Variants in TMEM232 observed in about 807,000 individuals in gnomAD.
The protein encoded by TMEM232 is transmembrane protein 232.
A neutral mutation model predicts 78.8 loss-of-function variants in TMEM232; 80 were observed. That is an observed-to-expected ratio of 1.01 (90% confidence interval 0.85 to 1.22). TMEM232 has a LOEUF of 1.22. Among genes scored for constraint, TMEM232 ranks in the 50% most tolerant of loss-of-function variants. The pLI, the probability that TMEM232 is intolerant of heterozygous loss-of-function variation, is 0.00. For synonymous variants in TMEM232, 297 were observed against 254.3 expected, an observed-to-expected ratio of 1.17 and a Z score of -1.60; for missense variants, 881 against 742.2, an observed-to-expected ratio of 1.19 and a Z score of -2.17.
rs147032193 is a variant in TMEM232 at position 110,679,165 on chromosome 5, T to C, written c.-12-11801A>G. The stretch of plus-strand genomic sequence containing the variant: ...CACCAGCATCAAATGAGAGCACCTG[T>C]TGTTCCATGTCCTTGCCCGGACGTG... On this transcript the variant is annotated intron_variant, in intron 1 of 13. Transcript: ENST00000455884. Among the ~76,000 whole-genome samples the C allele has an allele frequency of 3.1e-3, 469 of 152,272 alleles. 1 individual carries two copies. Among genetic ancestry groups the C allele is most frequent in the African/African-American group, 0.011 (452 of 41,568 alleles).
At chr5:110,463,971 T>A (rs1215918760) in intron 12 of TMEM232, among the ~76,000 whole-genome samples, 2 of 152,228 alleles carry the variant, frequency 1.3e-5, no homozygotes, top group Admixed American at 6.5e-5. Context: ...ATACTCATCT[T>A]CCAGGTATTC....
chr5:110,580,721 C>T (rs773970949), intron 10 of TMEM232, among the ~76,000 whole-genome samples: 27 of 138,596 alleles, frequency 1.9e-4, no homozygotes, highest in Non-Finnish European at 3.3e-4. Flanking sequence ...GATCACATAA[C>T]CCCAAACAGG....
intron 12 of TMEM232, among the ~76,000 whole-genome samples, chr5:110,476,169 A>C (rs1039876009): frequency 1.3e-5 from 2 of 151,974 alleles, no homozygotes. Context: ...CCCTATAATT[A>C]ATATTCTGCA....
At position 110,425,730 on chromosome 5, in the gene TMEM232, G is replaced by C. The variant is rs114782808; in HGVS notation, c.1704-814C>G. Among the ~76,000 whole-genome samples, 467 of 152,092 alleles carry C rather than the reference G, an allele frequency of 3.1e-3. 5 individuals are homozygous for C. Among genetic ancestry groups the C allele is most frequent in the African/African-American group, 0.011 (441 of 41,518 alleles). On this transcript the variant is annotated intron_variant, in intron 12 of 13. Transcript: ENST00000455884. Reference sequence around the variant, plus strand: ...CTTCATCTCCACCATCACTTCCCGAGGCCAAGCCACCATAATCTCTCACCT... The same window carrying C: ...CTTCATCTCCACCATCACTTCCCGACGCCAAGCCACCATAATCTCTCACCT...
At chr5:110,406,781 A>G (rs1338168325) in intron 2 of TMEM232, among the ~76,000 whole-genome samples, 1 of 152,096 alleles carries the variant, frequency 6.6e-6, no homozygotes, top group Non-Finnish European at 1.5e-5. Context: ...AGTTACAGCA[A>G]CCTGTTAAGA....
At chr5:110,731,263 T>C (rs1798654029), upstream of TMEM232, among the ~76,000 whole-genome samples, 1 of 152,198 alleles carries the variant, frequency 6.6e-6, no homozygotes, top group Non-Finnish European at 1.5e-5. Context: ...GGGCTAGCAT[T>C]GAATGTCTGC....
intron 11 of TMEM232, among the ~76,000 whole-genome samples, chr5:110,548,538 C>T (rs999744197): frequency 2.0e-4 from 30 of 150,690 alleles, no homozygotes; most frequent in Non-Finnish European, 2.8e-4. Flanking sequence ...GTAAAGGGGG[C>T]GGGGTGGAAT....
At chr5:110,402,123 G>A (rs756468728) in intron 2 of TMEM232, among the ~76,000 whole-genome samples, 12 of 152,090 alleles carry the variant, frequency 7.9e-5, no homozygotes, top group Non-Finnish European at 1.6e-4. Context: ...TAATGAAAGT[G>A]AGAAGTATCC....
intron 12 of TMEM232, among the ~76,000 whole-genome samples, chr5:110,469,458 G>A (rs1580809765): frequency 6.6e-6 from 1 of 152,150 alleles, no homozygotes; most frequent in Admixed American, 6.5e-5. Context: ...AGACCAAGCT[G>A]AAGTTACACA....
chr5:110,685,310 C>CAA (rs1289806511), intron 1 of TMEM232, among the ~76,000 whole-genome samples: 1 of 151,772 alleles, frequency 6.6e-6, no homozygotes, highest in Non-Finnish European at 1.5e-5. Context: ...AAAATAACAG[C>CAA]AAAGTAGACC....
At chr5:110,673,296 C>A (rs1468125872) in intron 1 of TMEM232, among the ~76,000 whole-genome samples, 5 of 131,904 alleles carry the variant, frequency 3.8e-5, no homozygotes, top group African/African-American at 1.4e-4. Flanking sequence ...CACACCACGG[C>A]CTGTTGTGGG....
chr5:110,426,259 T>C (rs939077498), intron 12 of TMEM232, among the ~76,000 whole-genome samples: 1 of 152,042 alleles, frequency 6.6e-6, no homozygotes, highest in African/African-American at 2.4e-5. Context: ...AGTTGTAATT[T>C]TACATTTATC....
At chr5:110,502,700 G>A (rs938704338) in intron 12 of TMEM232, among the ~76,000 whole-genome samples, 2 of 152,042 alleles carry the variant, frequency 1.3e-5, no homozygotes, top group Admixed American at 6.6e-5. Context: ...CTCACTACCC[G>A]GTAGCCACAT....
chr5:110,455,290 G>A (rs1165320208), intron 12 of TMEM232, among the ~76,000 whole-genome samples: 3 of 152,042 alleles, frequency 2.0e-5, no homozygotes, highest in African/African-American at 7.2e-5. Flanking sequence ...CATCTCATGA[G>A]GCCAGTGCTG....
intron 12 of TMEM232, among the ~76,000 whole-genome samples, chr5:110,455,670 A>G (rs1315268831): frequency 6.6e-6 from 1 of 152,100 alleles, no homozygotes; most frequent in Non-Finnish European, 1.5e-5. Flanking sequence ...AAGCCACCGC[A>G]CCCGGCCCAT....
intron 3 of TMEM232, among the ~76,000 whole-genome samples, chr5:110,396,595 C>T (rs1249937219): frequency 6.6e-6 from 1 of 152,066 alleles, no homozygotes; most frequent in South Asian, 2.1e-4. Context: ...ACCTTCAGCA[C>T]CCAGCACCTA....
chr5:110,555,534 C>G (rs960037213), intron 11 of TMEM232, among the ~76,000 whole-genome samples: 1 of 152,064 alleles, frequency 6.6e-6, no homozygotes, highest in Non-Finnish European at 1.5e-5. Flanking sequence ...GGTAAAGTGT[C>G]AAGTTTAGGT....
chr5:110,418,051 T>G (rs1756323729), downstream of TMEM232: 1 of 152,214 alleles, frequency 6.6e-6, no homozygotes, highest in African/African-American at 2.4e-5. Flanking sequence ...GCCTTCTACA[T>G]CCCTTCGATT....
chr5:110,686,626 G>A (rs72773156), intron 1 of TMEM232, among the ~76,000 whole-genome samples: 11,296 of 152,018 alleles, frequency 0.074, 514 homozygotes, highest in South Asian at 0.18. Context: ...TTATTGAGTT[G>A]TATGAACACT....
Sources: gnomAD v4.1 joint callset for allele counts (sites outside exome capture counted in the v4.1 genomes callset) on GRCh38, gnomAD v4.1.1 for gene constraint, MANE v1.5 for transcripts, NCBI Gene and HGNC (gene_info 2026-07-23, HGNC 2026-07-21) for gene names.